TLL1: variants seen among roughly 807,000 people sequenced by gnomAD.
The protein encoded by TLL1 is tolloid-like protein 1.
A neutral mutation model predicts 128.2 loss-of-function variants in TLL1; 49 were observed. That is an observed-to-expected ratio of 0.38 (90% CI 0.30 to 0.48). The LOEUF is 0.48. Ranked by LOEUF, TLL1 falls within the 20% of genes least tolerant of loss-of-function variation. TLL1 has a pLI of 0.96. For missense variants in TLL1, 1,123 were observed against 1,242.0 expected, an observed-to-expected ratio of 0.90 and a Z score of 1.44; for synonymous variants, 454 against 418.8, an observed-to-expected ratio of 1.08 and a Z score of -1.03.
In TLL1 at chr4:166,037,862, A is replaced by G. The variant is rs190178141; in HGVS notation, c.1159-1477A>G. Among the ~76,000 whole-genome samples, 909 of 152,124 alleles carry G rather than the reference A, an allele frequency of 6.0e-3. 3 individuals carry two copies. The highest frequency in any genetic ancestry group is 7.7e-3 in the South Asian group (37 of 4,816). On this transcript the variant is annotated intron_variant, in intron 9 of 20. Transcript: ENST00000061240. The stretch of plus-strand genomic sequence containing the variant: ...AACTTAATGTACTACATTTTTAAAA[A>G]ATTCCACCCCTATTTTCTTATCCTT...
chr4:166,027,941 A>G (rs961996243), intron 9 of TLL1, among the ~76,000 whole-genome samples: 2 of 152,158 alleles, frequency 1.3e-5, no homozygotes, highest in African/African-American at 2.4e-5. Flanking sequence ...AATAGGAAGA[A>G]AAAATCTATC....
chr4:166,061,633 A>G (rs946525304), intron 15 of TLL1, among the ~76,000 whole-genome samples: 1 of 152,104 alleles, frequency 6.6e-6, no homozygotes, highest in African/African-American at 2.4e-5. Flanking sequence ...TTTAGGTAAA[A>G]AAGAGGTAGC....
At chr4:166,057,670 T>C (rs187051399) in intron 14 of TLL1, among the ~76,000 whole-genome samples, 48 of 152,268 alleles carry the variant, frequency 3.2e-4, no homozygotes, top group African/African-American at 1.0e-3. Flanking sequence ...CAGTTCCACA[T>C]GGCTGGTGAG....
intron 1 of TLL1, among the ~76,000 whole-genome samples, chr4:165,875,492 T>G (rs1013325533): frequency 6.6e-6 from 1 of 152,214 alleles, no homozygotes; most frequent in Non-Finnish European, 1.5e-5. Context: ...CTCAGAATTC[T>G]GATTTAATTC....
chr4:165,944,331 G>A (rs915365582), intron 1 of TLL1, among the ~76,000 whole-genome samples: 1 of 152,088 alleles, frequency 6.6e-6, no homozygotes, highest in Non-Finnish European at 1.5e-5. Context: ...CTCAAACAAT[G>A]TAAGAAAAAG....
rs555137323 is a variant in TLL1 at position 166,077,731 on chromosome 4, C to T, written c.2315-172C>T. On this transcript the variant is annotated intron_variant, in intron 17 of 20. Coordinates refer to ENST00000061240, the MANE Select transcript of TLL1 (RefSeq NM_012464.5). ...AGACAACAAACATTGCCTGATTATA[C>T]TCAGCAACGTATTTTCCAGAGCAGA... 5.3e-5 allele frequency among the ~76,000 whole-genome samples: 8 copies of T among 152,224 alleles called. No individual in the cohort carries two copies. In the East Asian group the frequency reaches 1.5e-3, roughly 29 times the overall value.
chr4:166,056,134 C>T (rs1303976809), intron 13 of TLL1, among the ~76,000 whole-genome samples: 2 of 151,968 alleles, frequency 1.3e-5, no homozygotes, highest in East Asian at 1.9e-4. Flanking sequence ...GGCACTTTTA[C>T]TACAGGTATT....
At chr4:165,966,593 A>G (rs1307962001) in intron 1 of TLL1, among the ~76,000 whole-genome samples, 3 of 152,196 alleles carry the variant, frequency 2.0e-5, no homozygotes, top group African/African-American at 7.2e-5. Flanking sequence ...TGAGAAATAA[A>G]GGGAAAGACT....
At chr4:166,056,019 A>T (rs771371319) in intron 13 of TLL1, among the ~76,000 whole-genome samples, 2 of 152,086 alleles carry the variant, frequency 1.3e-5, no homozygotes, top group Non-Finnish European at 1.5e-5. Context: ...CAAAACTTAG[A>T]GTGATAGATA....
intron 1 of TLL1, among the ~76,000 whole-genome samples, chr4:165,923,116 C>T (rs916363027): frequency 9.9e-5 from 15 of 152,226 alleles, no homozygotes; most frequent in African/African-American, 3.4e-4. Flanking sequence ...CCCCTCATGC[C>T]ACCCAGGAAC....
chr4:166,023,884 T>G lies in TLL1; in HGVS notation c.1043-1432T>G, dbSNP rs551030516. ...GTGGGGTTTTAAATTATTACAGAAT[T>G]TATTTTTAAACTGCTGTTAATTATA... On this transcript the variant is annotated intron_variant, in intron 8 of 20. Coordinates refer to ENST00000061240, the MANE Select transcript of TLL1 (RefSeq NM_012464.5). Among the ~76,000 whole-genome samples, 383 of 152,132 alleles carry G rather than the reference T, an allele frequency of 2.5e-3. 2 individuals are homozygous for G. The highest frequency in any genetic ancestry group is 5.6e-3 in the Admixed American group (86 of 15,284).
chr4:166,090,879 A>C (rs1219409912), intron 18 of TLL1, among the ~76,000 whole-genome samples: 2 of 152,052 alleles, frequency 1.3e-5, no homozygotes, highest in African/African-American at 4.8e-5. Context: ...ATTGAATTGC[A>C]ATAGTAGAAT....
chr4:166,026,283 G>C (rs750497782), intron 9 of TLL1, among the ~76,000 whole-genome samples: 7 of 151,958 alleles, frequency 4.6e-5, no homozygotes, highest in African/African-American at 7.3e-5. Flanking sequence ...CAGCTATTCC[G>C]GGGGCTGAGG....
intron 18 of TLL1, 115 bp from the exon 19 acceptor site, chr4:166,091,013 A>T: frequency 2.5e-6 from 2 of 798,828 alleles, no homozygotes; most frequent in Non-Finnish European, 4.0e-6. Context: ...TAAATGTGTT[A>T]AATTATTAGT....
chr4:165,979,748 T>C (rs6839793), intron 1 of TLL1, among the ~76,000 whole-genome samples: 117,542 of 152,076 alleles, frequency 0.77, 46,490 homozygotes, highest in African/African-American at 0.95. Context: ...TATGATTGCA[T>C]TGTTGCACTC....
At chr4:165,944,632 C>A (rs72972238) in intron 1 of TLL1, among the ~76,000 whole-genome samples, 1 of 151,990 alleles carries the variant, frequency 6.6e-6, no homozygotes, top group East Asian at 1.9e-4. Flanking sequence ...TTGCTGTTCT[C>A]GGAGACTGGT....
intron 1 of TLL1, among the ~76,000 whole-genome samples, chr4:165,899,482 T>A (rs1398997546): frequency 6.6e-6 from 1 of 152,090 alleles, no homozygotes; most frequent in African/African-American, 2.4e-5. Context: ...GTTATTTACC[T>A]AGTAGTCATT....
At chr4:165,930,782 A>G (rs925029856) in intron 1 of TLL1, among the ~76,000 whole-genome samples, 12 of 152,256 alleles carry the variant, frequency 7.9e-5, no homozygotes, top group Admixed American at 5.9e-4. Flanking sequence ...GCTTTATAAT[A>G]CTTGAGAAAT....
rs144173141 is a variant in TLL1 at position 165,972,364 on chromosome 4, T to C, written c.170-17017T>C. ...TGTTGGCACCTTTGTGGAAGGACTT[T>C]AATATCATTATCATATATTCTTTTC... On this transcript the variant is annotated intron_variant, in intron 1 of 20. Coordinates refer to ENST00000061240, the MANE Select transcript of TLL1 (RefSeq NM_012464.5). Among the ~76,000 whole-genome samples the C allele has an allele frequency of 4.5e-4, 68 of 152,334 alleles. No individual in the cohort carries two copies. The East Asian group carries it at 0.013, about 29-fold the overall frequency.
Sources: gnomAD v4.1 joint callset for allele counts (sites outside exome capture counted in the v4.1 genomes callset) on GRCh38, gnomAD v4.1.1 for gene constraint, MANE v1.5 for transcripts, NCBI Gene and HGNC (gene_info 2026-07-23, HGNC 2026-07-21) for gene names.